The following FBXL13 variants were observed in gnomAD, a reference collection of about 807,000 sequenced individuals.
FBXL13 encodes the protein F-box and leucine rich repeat protein 13.
In FBXL13, 67 loss-of-function variants were observed where a neutral mutation model predicts 83.6. That is an observed-to-expected ratio of 0.80 (90% confidence interval 0.66 to 0.98). The LOEUF (loss-of-function observed/expected upper bound fraction) is 0.98, where lower values mean the gene tolerates loss of function less well. FBXL13 is among the 50% of genes least tolerant of loss of function. The pLI is 0.00. For missense variants in FBXL13, 822 were observed against 866.5 expected (o/e 0.95, Z 0.64); for synonymous variants, 272 against 299.5 (o/e 0.91, Z 0.95).
At chr7:102,946,539 C>T (rs879801977) in intron 8 of FBXL13, among the ~76,000 whole-genome samples, 31 of 137,784 alleles carry the variant, frequency 2.2e-4, no homozygotes, top group African/African-American at 8.2e-4. Flanking sequence ...GTCTTTTGTC[C>T]GAGACATTTA....
intron 11 of FBXL13, among the ~76,000 whole-genome samples, chr7:102,887,414 T>TACACACAC (rs67686614): frequency 4.0e-5 from 6 of 148,602 alleles, no homozygotes; most frequent in African/African-American, 9.9e-5. Context: ...TATACATACA[T>TACACACAC]ACACACACAC....
At chr7:103,033,440 G>A (rs909079811) in intron 2 of FBXL13, among the ~76,000 whole-genome samples, 6 of 152,196 alleles carry the variant, frequency 3.9e-5, no homozygotes, top group South Asian at 2.1e-4. Flanking sequence ...GGACCCTCGC[G>A]GTGAGTGTTA....
At chr7:102,862,115 C>T (rs888845802) in intron 16 of FBXL13, among the ~76,000 whole-genome samples, 6 of 151,626 alleles carry the variant, frequency 4.0e-5, no homozygotes, top group Non-Finnish European at 5.9e-5. Context: ...GAGGCCAAGG[C>T]GGGTGGATCA....
In FBXL13 at chr7:102,927,573, A is replaced by C. The variant is rs533572211; in HGVS notation, c.778-1199T>G. ...GTCACACTCAGATAGGAATTGGTTG[A>C]TTTACAGGGGCAGCAAACCACACCT... On this transcript the variant is annotated intron_variant, in intron 9 of 19. Coordinates refer to ENST00000313221, the Ensembl canonical transcript of FBXL13. Among the ~76,000 whole-genome samples, 6 of 152,298 alleles carry C rather than the reference A, an allele frequency of 3.9e-5. No individual in the cohort carries two copies. The South Asian group carries it at 1.2e-3, about 32-fold the overall frequency.
chr7:103,037,885 G>A (rs998547287), intron 2 of FBXL13, among the ~76,000 whole-genome samples: 1 of 151,776 alleles, frequency 6.6e-6, no homozygotes, highest in Non-Finnish European at 1.5e-5. Flanking sequence ...CGAGATCCAC[G>A]CAGAAGACGG....
chr7:102,875,024 T>C (rs1411491706), intron 16 of FBXL13, among the ~76,000 whole-genome samples: 2 of 152,212 alleles, frequency 1.3e-5, no homozygotes, highest in Non-Finnish European at 2.9e-5. Flanking sequence ...CACTTCAGCC[T>C]TGTGGTAAGT....
chr7:102,848,736 A>G (rs959847377), intron 17 of FBXL13, among the ~76,000 whole-genome samples: 6 of 151,966 alleles, frequency 3.9e-5, no homozygotes, highest in African/African-American at 1.4e-4. Context: ...CCTCACACCC[A>G]TAATTCCAGC....
intron 11 of FBXL13, among the ~76,000 whole-genome samples, chr7:102,887,527 G>A (rs187123273): frequency 2.0e-5 from 3 of 152,218 alleles, no homozygotes; most frequent in South Asian, 2.1e-4. Context: ...TGTGATTGTG[G>A]GGGCTGGCAA....
At chr7:102,911,166 C>G (rs1014790289) in intron 11 of FBXL13, among the ~76,000 whole-genome samples, 9 of 152,178 alleles carry the variant, frequency 5.9e-5, no homozygotes, top group Non-Finnish European at 1.3e-4. Context: ...TGCTTCACCT[C>G]CTCCAATTAT....
chr7:102,862,936 C>CATG (rs1807078424), intron 16 of FBXL13, among the ~76,000 whole-genome samples: 1 of 152,216 alleles, frequency 6.6e-6, no homozygotes, highest in Admixed American at 6.5e-5. Flanking sequence ...CTTTGTGACT[C>CATG]TCATCCATGG....
chr7:103,061,967 C>A (rs1239660562), intron 1 of FBXL13, among the ~76,000 whole-genome samples: 2 of 80,548 alleles, frequency 2.5e-5, no homozygotes, highest in African/African-American at 4.3e-5. Flanking sequence ...ACCTGATTGG[C>A]AACTTAATCT....
intron 6 of FBXL13, among the ~76,000 whole-genome samples, chr7:103,016,775 G>A (rs1022463699): frequency 1.3e-5 from 2 of 152,216 alleles, no homozygotes; most frequent in Non-Finnish European, 2.9e-5. Flanking sequence ...GTGAGACTGG[G>A]GGAGGGGCGC....
At chr7:102,815,266 A>T (rs554372261) in intron 19 of FBXL13, among the ~76,000 whole-genome samples, 6 of 152,304 alleles carry the variant, frequency 3.9e-5, no homozygotes, top group African/African-American at 1.4e-4. Context: ...TTTCTATTAC[A>T]TAGCTTCAGG....
intron 11 of FBXL13, among the ~76,000 whole-genome samples, chr7:102,900,177 C>T (rs192001710): frequency 2.0e-5 from 3 of 152,172 alleles, no homozygotes; most frequent in East Asian, 3.9e-4. Flanking sequence ...TATAGTTAAA[C>T]TTCTTTCATA....
chr7:102,995,795 A>ATAAATAAATAAC (rs1253250213), intron 6 of FBXL13, among the ~76,000 whole-genome samples: 24 of 150,748 alleles, frequency 1.6e-4, no homozygotes, highest in Admixed American at 6.6e-4. Context: ...AAATAAATAA[A>ATAAATAAATAAC]TAAATAAATA....
chr7:102,851,394 C>T (rs1805188746), intron 17 of FBXL13, among the ~76,000 whole-genome samples: 2 of 151,212 alleles, frequency 1.3e-5, no homozygotes, highest in South Asian at 4.2e-4. Context: ...TATCTTCCTA[C>T]TTGTGGGACA....
intron 17 of FBXL13, among the ~76,000 whole-genome samples, chr7:102,845,348 C>T (rs1385118525): frequency 6.6e-6 from 1 of 152,160 alleles, no homozygotes; most frequent in African/African-American, 2.4e-5. Flanking sequence ...CAAAAGATAC[C>T]TATTACCCCT....
intron 1 of FBXL13, among the ~76,000 whole-genome samples, chr7:103,056,095 T>C (rs1391813045): frequency 1.3e-5 from 2 of 152,196 alleles, no homozygotes; most frequent in African/African-American, 4.8e-5. Context: ...AGTGAGAACG[T>C]ATAATGTTTG....
chr7:102,834,093 A>AGGAAGGAAGGAAGG (rs1801322273), intron 17 of FBXL13, among the ~76,000 whole-genome samples: 1 of 86,312 alleles, frequency 1.2e-5, no homozygotes. Context: ...AAGAAAAGAA[A>AGGAAGGAAGGAAGG]GAAAGAAAGA....
Sources: gnomAD v4.1 joint callset for allele counts (sites outside exome capture counted in the v4.1 genomes callset) on GRCh38, gnomAD v4.1.1 for gene constraint, MANE v1.5 for transcripts, NCBI Gene and HGNC (gene_info 2026-07-23, HGNC 2026-07-21) for gene names.